CALN1: variants seen among roughly 807,000 people sequenced by gnomAD.
The protein encoded by CALN1 is calneuron 1, also known as calcium-binding protein 8.
CALN1 carries 17 observed loss-of-function variants against 30.6 expected under a neutral mutation model. The ratio of observed to expected loss-of-function variants is 0.56; its 90% CI spans 0.38 to 0.83. The LOEUF is 0.83. Among genes scored for constraint, CALN1 ranks in the 40% least tolerant of loss-of-function variants. CALN1 has a pLI of 0.00. For missense variants in CALN1, 291 were observed against 354.9 expected (o/e 0.82, Z 1.45); for synonymous variants, 156 against 131.4 (o/e 1.19, Z -1.28).
chr7:72,110,426 C>G (rs1490899603), intron 3 of CALN1, among the ~76,000 whole-genome samples: 1 of 152,356 alleles, frequency 6.6e-6, no homozygotes, highest in African/African-American at 2.4e-5. Flanking sequence ...CTGTGGCTTA[C>G]TCTGTAGTCT....
At chr7:72,463,967 GGAA>G in the CALN1 span, among the ~76,000 whole-genome samples, 4 of 124,996 alleles carry the variant, frequency 3.2e-5, no homozygotes, top group African/African-American at 1.3e-4. Context: ...AAGGAAGGAA[GGAA>G]GGAAGGAAGG....
intron 5 of CALN1, among the ~76,000 whole-genome samples, chr7:71,991,541 A>G (rs1191717919): frequency 6.6e-6 from 1 of 152,222 alleles, no homozygotes; most frequent in Non-Finnish European, 1.5e-5. Flanking sequence ...GCAAAGTAAT[A>G]AAGATGAACC....
intron 3 of CALN1, among the ~76,000 whole-genome samples, chr7:72,277,856 G>C (rs1042685446): frequency 6.6e-5 from 10 of 152,040 alleles, no homozygotes; most frequent in Admixed American, 1.3e-4. Context: ...TTCTCTACTT[G>C]AGAAAGTAAA....
intron 5 of CALN1, among the ~76,000 whole-genome samples, chr7:71,846,535 CGT>C (rs1189714238): frequency 6.6e-6 from 1 of 151,670 alleles, no homozygotes. Flanking sequence ...TGTGCGCGTG[CGT>C]GTGTGTGTAT....
At position 71,829,041 on chromosome 7, in the gene CALN1, G is replaced by A. The variant is rs560414489; in HGVS notation, c.502-18549C>T. 8.5e-5 allele frequency among the ~76,000 whole-genome samples: 13 copies of A among 152,098 alleles called. No individual in the cohort carries two copies. The South Asian group carries it at 1.0e-3, about 12-fold the overall frequency. On this transcript the variant is annotated intron_variant, in intron 5 of 6. Transcript: ENST00000395275. ...ATTACAGGTGTGATCCACCGCGCCC[G>A]GCCACATATATTGATTGATATCTCA...
intron 4 of CALN1, among the ~76,000 whole-genome samples, chr7:72,085,022 A>G (rs1034428492): frequency 6.6e-6 from 1 of 152,134 alleles, no homozygotes; most frequent in Non-Finnish European, 1.5e-5. Flanking sequence ...CACTGCTGCC[A>G]TCTACTTTTG....
At chr7:72,019,783 C>T (rs76347490) in intron 5 of CALN1, among the ~76,000 whole-genome samples, 5,380 of 152,260 alleles carry the variant, frequency 0.035, 303 homozygotes, top group African/African-American at 0.12. Flanking sequence ...CTTTCAAATT[C>T]CCAACCCACA....
intron 2 of CALN1, among the ~76,000 whole-genome samples, chr7:72,316,988 A>G (rs1384152537): frequency 4.0e-5 from 6 of 150,474 alleles, no homozygotes; most frequent in Non-Finnish European, 8.9e-5. Context: ...GAAAGGAAAA[A>G]AAAAGGAAAG....
intron 5 of CALN1, among the ~76,000 whole-genome samples, chr7:71,960,134 AAAATAAATAAATAAAT>A (rs71092940): frequency 0.011 from 1,523 of 135,886 alleles, 19 homozygotes; most frequent in Middle Eastern, 0.05. Context: ...CTCCATCTCA[AAAATAAATAAATAAAT>A]AAATAAATAA....
At chr7:71,892,625 CA>C (rs146721851) in intron 5 of CALN1, among the ~76,000 whole-genome samples, 3 of 151,790 alleles carry the variant, frequency 2.0e-5, no homozygotes, top group South Asian at 2.1e-4. Flanking sequence ...CATTTCCCCC[CA>C]AAAAAAATCC....
the CALN1 span, among the ~76,000 whole-genome samples, chr7:72,466,899 A>C: frequency 6.6e-6 from 1 of 152,048 alleles, no homozygotes; most frequent in Non-Finnish European, 1.5e-5. Context: ...AAGAAAAAGA[A>C]AGAGAAAGAA....
intron 2 of CALN1, among the ~76,000 whole-genome samples, chr7:72,328,816 C>T (rs1003524032): frequency 6.6e-5 from 10 of 152,236 alleles, no homozygotes; most frequent in African/African-American, 2.4e-4. Flanking sequence ...CTGCCTCAGC[C>T]TCCCAAGGAG....
At chr7:72,125,772 C>T (rs1808708506) in intron 3 of CALN1, among the ~76,000 whole-genome samples, 1 of 150,844 alleles carries the variant, frequency 6.6e-6, no homozygotes, top group South Asian at 2.1e-4. Context: ...TCCTGTCCTC[C>T]CCAAGTCCCA....
chr7:72,045,329 T>C (rs1802397774), intron 4 of CALN1, among the ~76,000 whole-genome samples: 1 of 152,208 alleles, frequency 6.6e-6, no homozygotes, highest in South Asian at 2.1e-4. Context: ...CTCCTGACTA[T>C]GTGTGCTTGG....
rs1402555074 is a variant in CALN1, at chr7:72,105,572, T to C, written c.388+579A>G. Among the ~76,000 whole-genome samples, 12 of 150,908 alleles carry C rather than the reference T, an allele frequency of 8.0e-5. No homozygotes were observed. The East Asian group carries it at 2.4e-3, about 30-fold the overall frequency. ...TTAAATAATTTCTCAACAATGTAAC[T>C]TGTAGATCTGTGTGACATCTACAAA... On this transcript the variant is annotated intron_variant, in intron 4 of 6. Transcript: ENST00000395275.
At chr7:71,997,165 G>T (rs1192805770) in intron 5 of CALN1, among the ~76,000 whole-genome samples, 1 of 152,030 alleles carries the variant, frequency 6.6e-6, no homozygotes, top group African/African-American at 2.4e-5. Context: ...CCCAGGATTT[G>T]GGGGTTGCAG....
intron 5 of CALN1, among the ~76,000 whole-genome samples, chr7:71,981,682 A>G (rs1425050292): frequency 6.6e-6 from 1 of 152,022 alleles, no homozygotes; most frequent in Non-Finnish European, 1.5e-5. Context: ...ACCAAAAAAA[A>G]AAACAAGAGG....
At chr7:72,377,559 G>C (rs1284600235) in intron 2 of CALN1, among the ~76,000 whole-genome samples, 1 of 151,832 alleles carries the variant, frequency 6.6e-6, no homozygotes, top group Admixed American at 6.6e-5. Flanking sequence ...GATCGCCCTT[G>C]CTTAGGGGTT....
intron 5 of CALN1, among the ~76,000 whole-genome samples, chr7:71,889,770 C>T (rs1409944778): frequency 1.3e-5 from 2 of 152,198 alleles, no homozygotes; most frequent in Non-Finnish European, 2.9e-5. Context: ...GCCTGGCCAA[C>T]ATGGCGAAAC....
Sources: gnomAD v4.1 joint callset for allele counts (sites outside exome capture counted in the v4.1 genomes callset) on GRCh38, gnomAD v4.1.1 for gene constraint, MANE v1.5 for transcripts, NCBI Gene and HGNC (gene_info 2026-07-23, HGNC 2026-07-21) for gene names.